The following PTPRM variants were observed in gnomAD, a reference collection of about 807,000 sequenced individuals.
PTPRM encodes the protein receptor-type tyrosine-protein phosphatase mu.
Under a neutral mutation model 186.7 loss-of-function variants are expected in PTPRM, and 47 were observed. The ratio of observed to expected loss-of-function variants is 0.25; its 90% CI spans 0.20 to 0.32. PTPRM has a LOEUF of 0.32. Ranked by LOEUF, PTPRM falls within the 10% of genes least tolerant of loss-of-function variation. The pLI, the probability that PTPRM is intolerant of heterozygous loss-of-function variation, is 1.00. For synonymous variants in PTPRM, 668 were observed against 674.9 expected (o/e 0.99, Z 0.16); for missense variants, 1,494 against 1,865.0 (o/e 0.80, Z 3.66).
At chr18:7,669,712 G>T (rs2039174984) in intron 1 of PTPRM, among the ~76,000 whole-genome samples, 1 of 152,002 alleles carries the variant, frequency 6.6e-6, no homozygotes, top group Non-Finnish European at 1.5e-5. Context: ...GGGAGAGAAT[G>T]CATGCTATCT....
chr18:8,320,260 T>C (rs1209928511), intron 22 of PTPRM, among the ~76,000 whole-genome samples: 1 of 151,946 alleles, frequency 6.6e-6, no homozygotes, highest in Non-Finnish European at 1.5e-5. Context: ...GCCAAGATAA[T>C]TGGGGTTGGA....
intron 1 of PTPRM, among the ~76,000 whole-genome samples, chr18:7,614,527 T>C (rs887383430): frequency 6.6e-6 from 1 of 152,160 alleles, no homozygotes; most frequent in Non-Finnish European, 1.5e-5. Context: ...AAGAACAAAA[T>C]AGATTGTTTT....
At chr18:7,985,582 C>A (rs868836137) in intron 7 of PTPRM, among the ~76,000 whole-genome samples, 3,127 of 136,122 alleles carry the variant, frequency 0.023, no homozygotes, top group African/African-American at 0.09. Flanking sequence ...TATACATATA[C>A]TGGTAGATAC....
intron 14 of PTPRM, among the ~76,000 whole-genome samples, chr18:8,197,542 G>GAGT (rs1384886987): frequency 6.6e-6 from 1 of 152,172 alleles, no homozygotes; most frequent in Non-Finnish European, 1.5e-5. Context: ...AGTTGCTTAG[G>GAGT]AGTAGGCTTT....
At chr18:8,138,216 T>TACC (rs2092682780) in intron 13 of PTPRM, among the ~76,000 whole-genome samples, 2 of 149,848 alleles carry the variant, frequency 1.3e-5, no homozygotes, top group African/African-American at 4.9e-5. Context: ...TTTTTTTTTT[T>TACC]CCCTCCTCTT....
Position 8,215,337 on chromosome 18 carries a change from A to C in PTPRM, c.2301-28721A>C, listed in dbSNP as rs138857881. Among the ~76,000 whole-genome samples the C allele has an allele frequency of 3.7e-3, 556 of 152,134 alleles. 1 individual carries two copies. Among genetic ancestry groups the C allele is most frequent in the African/African-American group, 0.012 (511 of 41,542 alleles). ...TCTCCTGCTTGGCAGAAACTTTTCA[A>C]GAATCTGCCATTTCCAAAATTTCAT... is the stretch of plus-strand genomic sequence containing the variant. On this transcript the variant is annotated intron_variant, in intron 14 of 32. Coordinates refer to ENST00000580170, the MANE Select transcript of PTPRM (RefSeq NM_001105244.2).
intron 14 of PTPRM, among the ~76,000 whole-genome samples, chr18:8,147,757 A>C (rs1440443979): frequency 1.3e-5 from 2 of 152,142 alleles, no homozygotes; most frequent in Non-Finnish European, 2.9e-5. Flanking sequence ...ACTTTTGCCC[A>C]TTCACTATGA....
intron 5 of PTPRM, among the ~76,000 whole-genome samples, chr18:7,943,003 G>C (rs2052288454): frequency 6.6e-6 from 1 of 152,126 alleles, no homozygotes; most frequent in Non-Finnish European, 1.5e-5. Flanking sequence ...GATTTCAAAG[G>C]AAACTAATAA....
chr18:7,798,869 CT>C (rs1261094488), intron 2 of PTPRM, among the ~76,000 whole-genome samples: 3 of 152,092 alleles, frequency 2.0e-5, no homozygotes, highest in Non-Finnish European at 4.4e-5. Flanking sequence ...AAACATATAC[CT>C]ATATGTATTT....
At chr18:7,724,669 A>G (rs1167580410) in intron 1 of PTPRM, among the ~76,000 whole-genome samples, 2 of 152,242 alleles carry the variant, frequency 1.3e-5, no homozygotes, top group East Asian at 1.9e-4. Context: ...GTCAGAGGAC[A>G]TACACTGGAA....
intron 2 of PTPRM, among the ~76,000 whole-genome samples, chr18:7,798,733 A>G (rs2043801835): frequency 6.6e-6 from 1 of 152,034 alleles, no homozygotes; most frequent in Non-Finnish European, 1.5e-5. Context: ...CTCTCTCCTT[A>G]TGTCTTCTTA....
intron 1 of PTPRM, among the ~76,000 whole-genome samples, chr18:7,683,664 T>G (rs1383490192): frequency 6.6e-6 from 1 of 152,172 alleles, no homozygotes; most frequent in Non-Finnish European, 1.5e-5. Context: ...AAGAACTTCT[T>G]GATTAAAGGA....
intron 23 of PTPRM, chr18:8,367,172 T>TA (rs2095635274): frequency 6.6e-6 from 1 of 152,106 alleles, no homozygotes; most frequent in Admixed American, 6.5e-5. Flanking sequence ...TCCAAGTAGT[T>TA]AAAAAGATAC....
intron 2 of PTPRM, among the ~76,000 whole-genome samples, chr18:7,807,631 T>G (rs968801727): frequency 6.6e-6 from 1 of 152,180 alleles, no homozygotes; most frequent in Non-Finnish European, 1.5e-5. Context: ...TTGTTGTTGT[T>G]GTCATCTAAG....
chr18:8,262,198 G>A (rs1321163579), intron 19 of PTPRM, among the ~76,000 whole-genome samples: 1 of 152,006 alleles, frequency 6.6e-6, no homozygotes, highest in African/African-American at 2.4e-5. Context: ...CTCCCCTAGG[G>A]CCTGCCCTGA....
At chr18:7,982,662 T>G (rs1272406400) in intron 7 of PTPRM, among the ~76,000 whole-genome samples, 1 of 152,164 alleles carries the variant, frequency 6.6e-6, no homozygotes, top group Admixed American at 6.5e-5. Context: ...GTGCTTGACT[T>G]TTATATGACT....
intron 1 of PTPRM, among the ~76,000 whole-genome samples, chr18:7,756,686 A>G (rs987485515): frequency 2.6e-5 from 4 of 152,226 alleles, no homozygotes; most frequent in Non-Finnish European, 5.9e-5. Context: ...TGTATGTACA[A>G]TATACAATAT....
intron 14 of PTPRM, among the ~76,000 whole-genome samples, chr18:8,211,440 G>A (rs113705576): frequency 0.1 from 14,865 of 145,654 alleles, 972 homozygotes; most frequent in Non-Finnish European, 0.15. Flanking sequence ...TGTCGCCCAG[G>A]CTGGAGTGTG....
At chr18:7,816,834 A>T (rs756107280) in intron 2 of PTPRM, among the ~76,000 whole-genome samples, 1 of 152,228 alleles carries the variant, frequency 6.6e-6, no homozygotes, top group Admixed American at 6.5e-5. Context: ...CATTACAATG[A>T]TCAGTAACAC....
Sources: allele counts gnomAD v4.1 joint callset (sites outside exome capture counted in the v4.1 genomes callset), GRCh38; gene constraint gnomAD v4.1.1; transcripts MANE v1.5; gene names NCBI Gene and HGNC (gene_info 2026-07-23, HGNC 2026-07-21).